ALPK1: variants seen among roughly 807,000 people sequenced by gnomAD.
ALPK1 encodes alpha kinase 1.
Under a neutral mutation model 120.6 loss-of-function variants are expected in ALPK1, and 110 were observed. The ratio of observed to expected loss-of-function variants is 0.91; its 90% CI spans 0.78 to 1.07. The LOEUF (loss-of-function observed/expected upper bound fraction) is 1.07. ALPK1 is among the 50% of genes least tolerant of loss of function. ALPK1 has a pLI of 0.00. For synonymous variants in ALPK1, 582 were observed against 560.3 expected (o/e 1.04, Z -0.55); for missense variants, 1,498 against 1,483.9 (o/e 1.01, Z -0.16).
At chr4:112,338,907 C>A (rs113257793) in intron 2 of ALPK1, among the ~76,000 whole-genome samples, 1,618 of 152,300 alleles carry the variant, frequency 0.011, 35 homozygotes, top group African/African-American at 0.037. Flanking sequence ...CAGGCAAAAA[C>A]TACCTGCTAC....
chr4:112,358,802 GGAGCT>G, intron 2 of ALPK1: 2 of 822,814 alleles, frequency 2.4e-6, no homozygotes, highest in Non-Finnish European at 4.4e-6. Context: ...CCATGAAGTA[GGAGCT>G]GAGCCAAGCC....
At position 112,423,876 on chromosome 4, in the gene ALPK1, T is replaced by G. The variant is rs923826311; in HGVS notation, c.476-68T>G. 31 of 1,512,798 alleles carry G rather than the reference T, an allele frequency of 2.0e-5. No homozygotes were observed. The African/African-American group carries it at 3.6e-4, about 17-fold the overall frequency. The allele number at this position is 1,512,798 out of a possible 1,614,324, so 93.7% of individuals were successfully genotyped here. A position where few individuals can be genotyped will look rare whatever the true frequency, so the allele number is the denominator to read the frequency against. Reference sequence around the variant, plus strand: ...GCTGCAATATATCAGTCTTAGAACATGAACAACTTGTAATTGTTAAGTGCA... The same window carrying G: ...GCTGCAATATATCAGTCTTAGAACAGGAACAACTTGTAATTGTTAAGTGCA... On this transcript the variant is annotated intron_variant, in intron 5 of 15. Transcript: ENST00000650871.
At chr4:112,331,899 G>A (rs1218938812) in intron 2 of ALPK1, among the ~76,000 whole-genome samples, 1 of 152,232 alleles carries the variant, frequency 6.6e-6, no homozygotes, top group Non-Finnish European at 1.5e-5. Flanking sequence ...CAGGTGGGCA[G>A]CTTGGGTCTC....
chr4:112,311,587 A>G (rs1200072968), intron 1 of ALPK1, among the ~76,000 whole-genome samples: 1 of 152,108 alleles, frequency 6.6e-6, no homozygotes, highest in Non-Finnish European at 1.5e-5. Flanking sequence ...AAGATGACAC[A>G]CTTGCCAGAG....
intron 2 of ALPK1, among the ~76,000 whole-genome samples, chr4:112,344,585 T>C (rs1730024779): frequency 6.6e-6 from 1 of 152,256 alleles, no homozygotes. Context: ...TCTTTCAATG[T>C]ATTGATACAT....
At chr4:112,358,531 C>G in intron 2 of ALPK1, 1 of 684,950 alleles carries the variant, frequency 1.5e-6, no homozygotes, top group Non-Finnish European at 2.6e-6. Flanking sequence ...ACCCGGAGGG[C>G]AGCCTGTATA....
chr4:112,311,122 A>T (rs1043354687), intron 1 of ALPK1, among the ~76,000 whole-genome samples: 1 of 152,212 alleles, frequency 6.6e-6, no homozygotes, highest in Non-Finnish European at 1.5e-5. Flanking sequence ...TGGAAGCAGG[A>T]GACTTACTGT....
chr4:112,370,241 A>G (rs1731342298), intron 2 of ALPK1, among the ~76,000 whole-genome samples: 1 of 152,250 alleles, frequency 6.6e-6, no homozygotes, highest in Non-Finnish European at 1.5e-5. Context: ...AAGAATTTGT[A>G]TATCAAAATC....
At position 112,438,650 on chromosome 4, in the gene ALPK1, A is replaced by G. The variant is rs769390883; in HGVS notation, c.3351+4A>G. On this transcript the variant is annotated splice_donor_region_variant and intron_variant, in intron 13 of 15. Coordinates refer to ENST00000650871, the MANE Select transcript of ALPK1 (RefSeq NM_025144.4). The stretch of plus-strand genomic sequence containing the variant: ...CATCCCATCCACAATACTACTGGTA[A>G]GATTATCCTGAACACATCATTTGGA... 6.2e-7 allele frequency: 1 copy of G among 1,612,874 alleles called. No individual in the cohort carries two copies. Among genetic ancestry groups the G allele is most frequent in the Non-Finnish European group, 8.5e-7 (1 of 1,179,152 alleles).
intron 4 of ALPK1, among the ~76,000 whole-genome samples, chr4:112,407,977 T>G (rs985749202): frequency 1.3e-5 from 2 of 151,846 alleles, no homozygotes; most frequent in Non-Finnish European, 2.9e-5. Flanking sequence ...CGTGGTGGCG[T>G]GCACCTGTAG....
intron 4 of ALPK1, among the ~76,000 whole-genome samples, chr4:112,393,259 A>G (rs1329231819): frequency 2.0e-5 from 3 of 152,226 alleles, no homozygotes; most frequent in South Asian, 2.1e-4. Context: ...ATATTGGCAG[A>G]TAGGCTGCCA....
At chr4:112,306,535 A>C (rs1423926176) in intron 1 of ALPK1, among the ~76,000 whole-genome samples, 1 of 151,770 alleles carries the variant, frequency 6.6e-6, no homozygotes, top group Non-Finnish European at 1.5e-5. Flanking sequence ...GTTTATTTGC[A>C]TAGAGGTGTT....
intron 4 of ALPK1, 154 bp from the exon 5 acceptor site, chr4:112,411,672 AT>A: frequency 6.0e-6 from 4 of 669,434 alleles, no homozygotes; most frequent in African/African-American, 1.8e-5. Context: ...GGACTTTTCT[AT>A]TTTCTTTCTT....
intron 2 of ALPK1, chr4:112,356,408 T>C (rs1730614978): frequency 2.3e-6 from 2 of 853,236 alleles, no homozygotes; most frequent in Non-Finnish European, 4.1e-6. Flanking sequence ...GCAATGCTGC[T>C]GCTGATAATG....
At chr4:112,303,070 T>C (rs1159654858) in intron 1 of ALPK1, among the ~76,000 whole-genome samples, 1 of 152,212 alleles carries the variant, frequency 6.6e-6, no homozygotes, top group Admixed American at 6.6e-5. Flanking sequence ...TTGAGTGATC[T>C]TCCTGCCACA....
At chr4:112,368,507 A>C (rs1731254113) in intron 2 of ALPK1, among the ~76,000 whole-genome samples, 1 of 152,052 alleles carries the variant, frequency 6.6e-6, no homozygotes, top group East Asian at 1.9e-4. Context: ...ATTTTGTGAC[A>C]TTTGATCAGG....
intron 1 of ALPK1, among the ~76,000 whole-genome samples, chr4:112,312,379 T>A (rs1298396624): frequency 6.6e-6 from 1 of 152,120 alleles, no homozygotes; most frequent in Non-Finnish European, 1.5e-5. Flanking sequence ...GTCACGTCAT[T>A]CTCCTGCCTC....
At chr4:112,379,350 G>T (rs1204196987) in intron 3 of ALPK1, among the ~76,000 whole-genome samples, 1 of 152,232 alleles carries the variant, frequency 6.6e-6, no homozygotes. Flanking sequence ...GGAAGCAAGT[G>T]ATCAGAGAGG....
At chr4:112,351,376 T>C (rs1247027138) in intron 2 of ALPK1, among the ~76,000 whole-genome samples, 1 of 152,206 alleles carries the variant, frequency 6.6e-6, no homozygotes, top group Non-Finnish European at 1.5e-5. Flanking sequence ...GTCCTCAGAC[T>C]GTAAGTGTTG....
Sources: gnomAD v4.1 joint callset for allele counts (sites outside exome capture counted in the v4.1 genomes callset) on GRCh38, gnomAD v4.1.1 for gene constraint, MANE v1.5 for transcripts, NCBI Gene and HGNC (gene_info 2026-07-23, HGNC 2026-07-21) for gene names.